Variants in SH3GL2 observed in about 807,000 individuals in gnomAD.
SH3GL2 encodes endophilin-A1.
A neutral mutation model predicts 46.0 loss-of-function variants in SH3GL2; 24 were observed. The ratio of observed to expected loss-of-function variants is 0.52; its 90% confidence interval spans 0.38 to 0.73. The LOEUF (loss-of-function observed/expected upper bound fraction) is 0.73, where lower values mean the gene tolerates loss of function less well. SH3GL2 is among the 30% of genes least tolerant of loss of function. SH3GL2 has a pLI of 0.00. For synonymous variants in SH3GL2, 196 were observed against 147.1 expected, an observed-to-expected ratio of 1.33 and a Z score of -2.40; for missense variants, 413 against 424.2, an observed-to-expected ratio of 0.97 and a Z score of 0.23.
chr9:17,728,654 T>C (rs1455102114), intron 1 of SH3GL2, among the ~76,000 whole-genome samples: 1 of 152,064 alleles, frequency 6.6e-6, no homozygotes, highest in Non-Finnish European at 1.5e-5. Context: ...AGCCCCAGTG[T>C]GTGATGTTCC....
intron 1 of SH3GL2, among the ~76,000 whole-genome samples, chr9:17,699,751 G>T (rs1201591344): frequency 1.3e-5 from 2 of 152,198 alleles, no homozygotes; most frequent in Admixed American, 6.5e-5. Flanking sequence ...TCCATTTTCT[G>T]TGTTACATAA....
intron 1 of SH3GL2, among the ~76,000 whole-genome samples, chr9:17,644,789 T>C (rs538577567): frequency 1.2e-4 from 19 of 152,322 alleles, no homozygotes; most frequent in Non-Finnish European, 2.5e-4. Context: ...CTGAGAAGAA[T>C]GTATCTTCTG....
rs574412242 is a variant in SH3GL2, at chr9:17,625,681, T to C, written c.45+46394T>C. Among the ~76,000 whole-genome samples, 3 of 152,252 alleles carry C rather than the reference T, an allele frequency of 2.0e-5. No individual in the cohort carries two copies. The South Asian group carries it at 6.2e-4, about 32-fold the overall frequency. On this transcript the variant is annotated intron_variant, in intron 1 of 8. Coordinates refer to ENST00000380607, the MANE Select transcript of SH3GL2 (RefSeq NM_003026.5). The stretch of plus-strand genomic sequence containing the variant: ...GGCACTTCTGCCTCTTTGTGCTTTC[T>C]TCTTGTCTTAGTTAAAAACTGAAGA...
At chr9:17,685,011 G>A (rs1381949039) in intron 1 of SH3GL2, among the ~76,000 whole-genome samples, 1 of 152,130 alleles carries the variant, frequency 6.6e-6, no homozygotes, top group Admixed American at 6.6e-5. Context: ...TGTGATGTTT[G>A]AGTTTTGTTT....
At chr9:17,583,708 A>G (rs774759835) in intron 1 of SH3GL2, among the ~76,000 whole-genome samples, 1 of 152,102 alleles carries the variant, frequency 6.6e-6, no homozygotes, top group African/African-American at 2.4e-5. Context: ...ACAGTCTGGT[A>G]TATGTTTATT....
chr9:17,604,046 G>T (rs988130182), intron 1 of SH3GL2, among the ~76,000 whole-genome samples: 1 of 152,210 alleles, frequency 6.6e-6, no homozygotes, highest in Non-Finnish European at 1.5e-5. Context: ...TCATGGTGGG[G>T]TTTGGCTGCC....
intron 1 of SH3GL2, among the ~76,000 whole-genome samples, chr9:17,736,267 G>T (rs555328036): frequency 1.7e-4 from 26 of 152,216 alleles, no homozygotes; most frequent in African/African-American, 6.0e-4. Flanking sequence ...TTAGATCATA[G>T]AATTTCTAGA....
intron 1 of SH3GL2, among the ~76,000 whole-genome samples, chr9:17,720,247 G>A (rs1821861189): frequency 6.6e-6 from 1 of 151,978 alleles, no homozygotes; most frequent in Non-Finnish European, 1.5e-5. Flanking sequence ...AGACAGGAGG[G>A]GACAAAAGAA....
chr9:17,653,835 C>T (rs963833024), intron 1 of SH3GL2: 4 of 972,180 alleles, frequency 4.1e-6, no homozygotes, highest in Non-Finnish European at 4.9e-6. Flanking sequence ...ACAGATACTG[C>T]CTTGGTGAAC....
chr9:17,719,759 C>T (rs1219991964), intron 1 of SH3GL2, among the ~76,000 whole-genome samples: 1 of 150,082 alleles, frequency 6.7e-6, no homozygotes, highest in Non-Finnish European at 1.5e-5. Context: ...CATCACTGTA[C>T]TCTAGTCTGG....
intron 1 of SH3GL2, among the ~76,000 whole-genome samples, chr9:17,741,893 G>A (rs1822538315): frequency 6.6e-6 from 1 of 152,030 alleles, no homozygotes; most frequent in African/African-American, 2.4e-5. Context: ...CTCAGATGGG[G>A]AGTCACAGAT....
At chr9:17,728,603 T>C (rs1045096922) in intron 1 of SH3GL2, among the ~76,000 whole-genome samples, 3 of 152,140 alleles carry the variant, frequency 2.0e-5, no homozygotes, top group African/African-American at 7.2e-5. Context: ...ATTAGGTATT[T>C]CTCCTAATGC....
intron 1 of SH3GL2, among the ~76,000 whole-genome samples, chr9:17,731,795 C>A (rs1008767392): frequency 7.2e-5 from 11 of 152,120 alleles, no homozygotes; most frequent in African/African-American, 2.7e-4. Context: ...ATCTCAAGTG[C>A]TCTCTCCCTC....
chr9:17,729,254 A>G (rs9673919), intron 1 of SH3GL2, among the ~76,000 whole-genome samples: 4 of 152,262 alleles, frequency 2.6e-5, no homozygotes, highest in African/African-American at 7.2e-5. Flanking sequence ...TGTTGGCCGC[A>G]TAAATGTCAT....
intron 1 of SH3GL2, among the ~76,000 whole-genome samples, chr9:17,625,349 G>T (rs901270291): frequency 1.3e-5 from 2 of 152,202 alleles, no homozygotes; most frequent in Non-Finnish European, 2.9e-5. Flanking sequence ...GGAATGAGCA[G>T]AATTACTACT....
intron 1 of SH3GL2, among the ~76,000 whole-genome samples, chr9:17,736,048 G>A (rs907643830): frequency 1.3e-5 from 2 of 152,076 alleles, no homozygotes; most frequent in African/African-American, 4.8e-5. Context: ...CAGCCCCAGT[G>A]CAGGCAGCAG....
intron 1 of SH3GL2, among the ~76,000 whole-genome samples, chr9:17,614,975 C>T (rs1414480134): frequency 6.6e-6 from 1 of 152,184 alleles, no homozygotes; most frequent in East Asian, 1.9e-4. Flanking sequence ...CCTCCAGCAA[C>T]CACAGAGGTG....
intron 1 of SH3GL2, among the ~76,000 whole-genome samples, chr9:17,700,678 C>G (rs1821324009): frequency 6.6e-6 from 1 of 152,054 alleles, no homozygotes; most frequent in African/African-American, 2.4e-5. Flanking sequence ...TGATTGATTT[C>G]TAACGTCTCC....
rs978014270 is a variant in SH3GL2, at chr9:17,615,382, T to A, written c.45+36095T>A. The stretch of plus-strand genomic sequence containing the variant: ...TTAAAATTTCCCTTCATTGGCTGGG[T>A]GCGGTGGCTCATGCCTATAATCCCA... On this transcript the variant is annotated intron_variant, in intron 1 of 8. Transcript: ENST00000380607. Among the ~76,000 whole-genome samples, 7 of 152,232 alleles carry A rather than the reference T, an allele frequency of 4.6e-5. No individual in the cohort carries two copies. In the South Asian group the frequency reaches 1.0e-3, roughly 23 times the overall value.
Sources: gnomAD v4.1 joint callset for allele counts (sites outside exome capture counted in the v4.1 genomes callset) on GRCh38, gnomAD v4.1.1 for gene constraint, MANE v1.5 for transcripts, NCBI Gene and HGNC (gene_info 2026-07-23, HGNC 2026-07-21) for gene names.